VAMP7: variants seen among roughly 807,000 people sequenced by gnomAD.
VAMP7 encodes the protein vesicle-associated membrane protein 7.
A neutral mutation model predicts 29.6 loss-of-function variants in VAMP7; 14 were observed. That is an observed-to-expected ratio of 0.47 (90% CI 0.31 to 0.74). The LOEUF (loss-of-function observed/expected upper bound fraction) is 0.74. Ranked by LOEUF, VAMP7 falls within the 30% of genes least tolerant of loss-of-function variation. The pLI, the probability that VAMP7 is intolerant of heterozygous loss-of-function variation, is 0.05. For synonymous variants in VAMP7, 95 were observed against 88.1 expected (o/e 1.08, Z -0.44); for missense variants, 223 against 262.4 (o/e 0.85, Z 1.04).
chrX:155,895,971 G>C (rs1206676868), intron 3 of VAMP7, among the ~76,000 whole-genome samples: 1 of 152,054 alleles, frequency 6.6e-6, no homozygotes, highest in Admixed American at 6.5e-5. Context: ...AGAATCTAAT[G>C]CCTGATGATC....
intron 6 of VAMP7, among the ~76,000 whole-genome samples, chrX:155,935,151 A>G (rs936359630): frequency 2.6e-4 from 39 of 148,958 alleles, no homozygotes; most frequent in Non-Finnish European, 4.6e-4. Flanking sequence ...CTTCATTTCA[A>G]CTTTGGTGAT....
chrX:155,895,064 G>A (rs1260352580), intron 2 of VAMP7, among the ~76,000 whole-genome samples: 1 of 152,164 alleles, frequency 6.6e-6, no homozygotes, highest in African/African-American at 2.4e-5. Context: ...AGAGCACCAT[G>A]TACTGCCTTT....
chrX:155,889,464 G>GC lies in VAMP7; in HGVS notation c.-1dup. 6.2e-7 allele frequency: 1 copy of GC among 1,613,050 alleles called. No individual in the cohort carries two copies. The highest frequency in any genetic ancestry group is 1.1e-5 in the South Asian group (1 of 90,854). ...GTCTTTTTCCTTTTGATAGACTGAA[G>GC]CCATGGCGATTCTTTTTGCTGTTGT... On this transcript the variant is annotated 5_prime_UTR_variant, in exon 2 of 8. Transcript: ENST00000286448.
chrX:155,889,546 A>G lies in VAMP7; in HGVS notation c.80A>G (p.Glu27Gly). The G allele has an allele frequency of 1.2e-6, 2 of 1,613,882 alleles. No individual in the cohort carries two copies. Among genetic ancestry groups the G allele is most frequent in the Non-Finnish European group, 1.7e-6 (2 of 1,179,848 alleles). ...KHAWCGGNFLEVTEQILAKIP... is the reference protein window; with the variant it reads ...KHAWCGGNFLGVTEQILAKIP... ...GCTTGGTGTGGAGGAAACTTCCTGG[A>G]GGTGACAGAGCAGATTCTGGCTAAG... Residue 27 changes from glutamate (E) to glycine (G), a missense_variant, in exon 2 of 8, where the codon GAG becomes GGG. Physicochemically the swap from Glu to Gly is moderately conservative, Grantham distance 98. Transcript: ENST00000286448.
chrX:155,918,233 G>C (rs1369119617), intron 5 of VAMP7, among the ~76,000 whole-genome samples: 2 of 152,146 alleles, frequency 1.3e-5, no homozygotes, highest in Non-Finnish European at 2.9e-5. Flanking sequence ...GTGGATCTTA[G>C]CCTGCTGGGC....
intron 5 of VAMP7, among the ~76,000 whole-genome samples, chrX:155,903,138 T>C (rs2066092720): frequency 6.6e-6 from 1 of 152,136 alleles, no homozygotes; most frequent in South Asian, 2.1e-4. Context: ...TTCTTCTAGA[T>C]TTTCTAGTTT....
intron 6 of VAMP7, among the ~76,000 whole-genome samples, chrX:155,927,265 T>G (rs1388557256): frequency 6.6e-6 from 1 of 151,854 alleles, no homozygotes; most frequent in Non-Finnish European, 1.5e-5. Context: ...AAATACCTAA[T>G]GTAGATAACG....
At chrX:155,924,290 G>A (rs1253663133) in intron 6 of VAMP7, among the ~76,000 whole-genome samples, 3 of 152,230 alleles carry the variant, frequency 2.0e-5, no homozygotes, top group Middle Eastern at 3.4e-3. Context: ...GGTAAAATAT[G>A]TATAGCATAA....
intron 5 of VAMP7, among the ~76,000 whole-genome samples, chrX:155,915,102 T>A (rs1238614480): frequency 6.6e-6 from 1 of 152,190 alleles, no homozygotes; most frequent in Non-Finnish European, 1.5e-5. Flanking sequence ...AGGGTGTATG[T>A]GTCCAGGAAT....
intron 2 of VAMP7, among the ~76,000 whole-genome samples, chrX:155,893,616 C>T (rs1302736741): frequency 1.3e-5 from 2 of 152,124 alleles, no homozygotes; most frequent in Non-Finnish European, 2.9e-5. Context: ...GGGCCTTCTT[C>T]CTGGCTGGCA....
At chrX:155,919,207 G>A (rs1394290861) in intron 5 of VAMP7, among the ~76,000 whole-genome samples, 1 of 151,998 alleles carries the variant, frequency 6.6e-6, no homozygotes, top group Non-Finnish European at 1.5e-5. Flanking sequence ...AGCTGATTCT[G>A]GGCATTGTTT....
chrX:155,905,729 T>C (rs1330307690), intron 5 of VAMP7, among the ~76,000 whole-genome samples: 1 of 152,228 alleles, frequency 6.6e-6, no homozygotes, highest in Non-Finnish European at 1.5e-5. Flanking sequence ...TATAGCTTTG[T>C]TTCTGGACCT....
chrX:155,882,460 A>G (rs2065814156), intron 1 of VAMP7, among the ~76,000 whole-genome samples: 1 of 152,222 alleles, frequency 6.6e-6, no homozygotes, highest in Non-Finnish European at 1.5e-5. Flanking sequence ...GAATAGTTGT[A>G]ATACCAACAG....
intron 4 of VAMP7, 142 bp from the exon 5 acceptor site, chrX:155,900,355 C>A: frequency 1.6e-6 from 1 of 620,204 alleles, no homozygotes; most frequent in Non-Finnish European, 2.7e-6. Flanking sequence ...AACATTTTTC[C>A]AGTGAAGTGA....
In VAMP7 at chrX:155,943,148, G is replaced by T. The variant is rs1267676879; in HGVS notation, c.*1197G>T. 1 of 144,560 alleles carries T rather than the reference G, an allele frequency of 6.9e-6. No homozygotes were observed. Among genetic ancestry groups the T allele is most frequent in the African/African-American group, 2.6e-5 (1 of 38,570 alleles). The allele number at this position is 144,560 out of a possible 1,614,324, so 9.0% of individuals were successfully genotyped here. ...CATCTGTTATCTAGTATGCATTTCTGGTGTGTATCTGAAAGGAAGACATTT... is the reference window on the plus strand; with the variant it reads ...CATCTGTTATCTAGTATGCATTTCTTGTGTGTATCTGAAAGGAAGACATTT... On this transcript the variant is annotated 3_prime_UTR_variant, in exon 8 of 8. Coordinates refer to ENST00000286448, the MANE Select transcript of VAMP7 (RefSeq NM_005638.6).
At chrX:155,890,624 G>A (rs1003961583) in intron 2 of VAMP7, among the ~76,000 whole-genome samples, 8 of 152,242 alleles carry the variant, frequency 5.3e-5, no homozygotes, top group African/African-American at 1.9e-4. Flanking sequence ...GCCTCCCAAA[G>A]CGTTGGGATT....
chrX:155,896,509 C>G (rs976007291), intron 3 of VAMP7, among the ~76,000 whole-genome samples: 2 of 152,158 alleles, frequency 1.3e-5, no homozygotes, highest in Non-Finnish European at 2.9e-5. Context: ...TTCTCAGTAA[C>G]TTAATGATGT....
intron 6 of VAMP7, among the ~76,000 whole-genome samples, chrX:155,932,715 T>C (rs1025612632): frequency 6.6e-6 from 1 of 152,202 alleles, no homozygotes; most frequent in African/African-American, 2.4e-5. Context: ...TCTTGCCTGA[T>C]TGCCCTGGCC....
At chrX:155,912,723 G>A (rs1344600841) in intron 5 of VAMP7, among the ~76,000 whole-genome samples, 3 of 152,094 alleles carry the variant, frequency 2.0e-5, no homozygotes, top group South Asian at 2.1e-4. Context: ...GTATTCCATC[G>A]TGTATATGTG....
Sources: allele counts gnomAD v4.1 joint callset (sites outside exome capture counted in the v4.1 genomes callset), GRCh38; gene constraint gnomAD v4.1.1; transcripts MANE v1.5; gene names NCBI Gene and HGNC (gene_info 2026-07-23, HGNC 2026-07-21).